Variants in ZNF407 observed in about 807,000 individuals in gnomAD.
ZNF407 encodes zinc finger protein 407.
In ZNF407, 17 loss-of-function variants were observed where a neutral mutation model predicts 131.2. The observed-to-expected ratio is 0.13, with a 90% confidence interval of 0.09 to 0.19. The LOEUF is 0.19. ZNF407 is among the 10% of genes least tolerant of loss of function. The pLI, the probability that ZNF407 is intolerant of heterozygous loss-of-function variation, is 1.00. For synonymous variants in ZNF407, 1,156 were observed against 1,062.0 expected, an observed-to-expected ratio of 1.09 and a Z score of -1.72; for missense variants, 2,681 against 2,830.6, an observed-to-expected ratio of 0.95 and a Z score of 1.20.
chr18:74,601,333 G>C (rs1482506229), intron 1 of ZNF407, among the ~76,000 whole-genome samples: 2 of 97,656 alleles, frequency 2.0e-5, no homozygotes, highest in African/African-American at 7.7e-5. Flanking sequence ...GTATGTCTGT[G>C]TGTGTGTGTG....
intron 3 of ZNF407, among the ~76,000 whole-genome samples, chr18:74,657,192 T>G (rs970568867): frequency 5.9e-5 from 9 of 152,060 alleles, no homozygotes; most frequent in Admixed American, 1.3e-4. Context: ...TTTCTTGATT[T>G]AGTTCAAGCC....
chr18:74,730,233 T>G (rs1176170421), intron 3 of ZNF407, among the ~76,000 whole-genome samples: 1 of 152,222 alleles, frequency 6.6e-6, no homozygotes, highest in Non-Finnish European at 1.5e-5. Flanking sequence ...TTTTTAATAT[T>G]CTAATTAAGG....
rs1970802426 is a variant in ZNF407, at chr18:74,852,396, A to G, written c.4878-24801A>G. ...TGTGACACATGTCAAATTGACAACT[A>G]GCTGTATCAAACTAAGATAATTTTC... On this transcript the variant is annotated intron_variant, in intron 4 of 8. Transcript: ENST00000299687. Among the ~76,000 whole-genome samples the G allele has an allele frequency of 2.6e-5, 4 of 152,312 alleles. No homozygotes were observed. The South Asian group carries it at 8.3e-4, about 32-fold the overall frequency.
intron 1 of ZNF407, among the ~76,000 whole-genome samples, chr18:74,614,752 CTCT>C (rs1983212426): frequency 1.3e-5 from 2 of 152,172 alleles, no homozygotes; most frequent in African/African-American, 4.8e-5. Flanking sequence ...GTCTGTAATT[CTCT>C]TGTTTTACAA....
intron 4 of ZNF407, among the ~76,000 whole-genome samples, chr18:74,860,342 T>C (rs573239974): frequency 6.6e-6 from 1 of 151,926 alleles, no homozygotes; most frequent in African/African-American, 2.4e-5. Context: ...AATTCATAGG[T>C]CTCCATCACC....
At chr18:74,663,560 G>A (rs146402284) in intron 3 of ZNF407, among the ~76,000 whole-genome samples, 147 of 152,260 alleles carry the variant, frequency 9.7e-4, no homozygotes, top group African/African-American at 3.4e-3. Flanking sequence ...CACATATTAC[G>A]TGTGGGGAAC....
At chr18:75,026,421 T>A (rs1429158385) in intron 8 of ZNF407, among the ~76,000 whole-genome samples, 1 of 152,236 alleles carries the variant, frequency 6.6e-6, no homozygotes, top group East Asian at 1.9e-4. Flanking sequence ...CCCTGAAGAA[T>A]GTCAAGTGAA....
chr18:75,008,055 G>A (rs1040133531), intron 8 of ZNF407, among the ~76,000 whole-genome samples: 1 of 152,236 alleles, frequency 6.6e-6, no homozygotes, highest in Non-Finnish European at 1.5e-5. Context: ...GTGTTTGGGA[G>A]TGACTAGAGA....
Position 74,634,714 on chromosome 18 carries a change from G to A in ZNF407, c.3695G>A (p.Gly1232Asp), listed in dbSNP as rs201772335. The A allele has an allele frequency of 2.5e-6, 4 of 1,614,046 alleles. No individual in the cohort carries two copies. In the Admixed American group the frequency reaches 5.0e-5, roughly 20 times the overall value. ...GGTGAGCTGCGTGTCCATTGTGAGG[G>A]TGAAGGAGGAAACGCAGGAGACGGT... ...DAGELRVHCE[G>D]EGGNAGDGGG... The change falls in exon 2 of 9, where the codon GGT (glycine) becomes GAT (aspartate). Residue 1232 changes from glycine (G) to aspartate (D), a missense_variant. Around this residue, in one of 6 missense-constraint regions of ZNF407, gnomAD observed 1,789 missense variants for 1,748.7 expected, o/e 1.02. Coordinates refer to ENST00000299687, the MANE Select transcript of ZNF407 (RefSeq NM_017757.3).
chr18:74,667,817 A>G (rs1158744354), intron 3 of ZNF407, among the ~76,000 whole-genome samples: 4 of 152,212 alleles, frequency 2.6e-5, no homozygotes, highest in African/African-American at 4.8e-5. Flanking sequence ...CATAGTACAC[A>G]TACATCTGAA....
intron 3 of ZNF407, among the ~76,000 whole-genome samples, chr18:74,765,550 G>C (rs1306681283): frequency 2.0e-5 from 3 of 152,204 alleles, no homozygotes; most frequent in African/African-American, 4.8e-5. Flanking sequence ...TGAGCCCGCA[G>C]GTCTCTCAAG....
At chr18:74,661,398 T>C (rs1298127875) in intron 3 of ZNF407, among the ~76,000 whole-genome samples, 2 of 147,980 alleles carry the variant, frequency 1.4e-5, no homozygotes, top group African/African-American at 4.9e-5. Flanking sequence ...ATATATATAA[T>C]ATATTTATAA....
At chr18:74,858,478 A>C (rs1301319454) in intron 4 of ZNF407, among the ~76,000 whole-genome samples, 1 of 152,190 alleles carries the variant, frequency 6.6e-6, no homozygotes, top group East Asian at 1.9e-4. Flanking sequence ...TTTTTAGTAT[A>C]GCTTGAATTT....
intron 8 of ZNF407, among the ~76,000 whole-genome samples, chr18:74,926,630 C>T (rs1315279902): frequency 6.6e-6 from 1 of 152,122 alleles, no homozygotes; most frequent in African/African-American, 2.4e-5. Flanking sequence ...TAGTGAAATC[C>T]TGTCTCTACT....
chr18:74,811,113 G>C (rs935479774), intron 4 of ZNF407, among the ~76,000 whole-genome samples: 1 of 151,912 alleles, frequency 6.6e-6, no homozygotes, highest in African/African-American at 2.4e-5. Flanking sequence ...GAAAATTTTC[G>C]CAACCTACTC....
intron 4 of ZNF407, among the ~76,000 whole-genome samples, chr18:74,833,501 C>T (rs1970513269): frequency 1.3e-5 from 2 of 152,172 alleles, no homozygotes. Flanking sequence ...GGTGCCAGCA[C>T]TGCACAGAGA....
At chr18:74,857,375 G>A (rs1036428350) in intron 4 of ZNF407, among the ~76,000 whole-genome samples, 3 of 152,152 alleles carry the variant, frequency 2.0e-5, no homozygotes, top group African/African-American at 7.2e-5. Context: ...ATATTTACAA[G>A]TATTTTATAG....
At chr18:74,851,063 A>G (rs1483580892) in intron 4 of ZNF407, among the ~76,000 whole-genome samples, 3 of 152,220 alleles carry the variant, frequency 2.0e-5, no homozygotes, top group African/African-American at 4.8e-5. Context: ...ATGGAAAACT[A>G]TGGTTCTCCT....
intron 4 of ZNF407, among the ~76,000 whole-genome samples, chr18:74,870,232 C>T (rs1171141156): frequency 6.6e-6 from 1 of 152,096 alleles, no homozygotes; most frequent in Non-Finnish European, 1.5e-5. Context: ...CTTTTAGAAC[C>T]TGAGTGATAT....
Sources: gnomAD v4.1 joint callset for allele counts (sites outside exome capture counted in the v4.1 genomes callset) on GRCh38, gnomAD v4.1.1 for gene constraint, gnomAD v4.1.1 regional missense constraint, MANE v1.5 for transcripts, NCBI Gene and HGNC (gene_info 2026-07-23, HGNC 2026-07-21) for gene names.